Variants in INTS8 observed in about 807,000 individuals in gnomAD.
INTS8 encodes the protein protein kaonashi-1.
A neutral mutation model predicts 138.9 loss-of-function variants in INTS8; 47 were observed. The ratio of observed to expected loss-of-function variants is 0.34; its 90% CI spans 0.27 to 0.43. The LOEUF (loss-of-function observed/expected upper bound fraction) is 0.43, where lower values mean the gene tolerates loss of function less well. Among genes scored for constraint, INTS8 ranks in the 20% least tolerant of loss-of-function variants. The pLI, the probability that INTS8 is intolerant of heterozygous loss-of-function variation, is 1.00. For synonymous variants in INTS8, 392 were observed against 400.9 expected (o/e 0.98, Z 0.27); for missense variants, 996 against 1,173.0 (o/e 0.85, Z 2.20).
intron 1 of INTS8, 85 bp from the exon 2 acceptor site, chr8:94,824,808 C>G (rs10111645): frequency 8.1e-6 from 1 of 123,200 alleles, no homozygotes; most frequent in Non-Finnish European, 1.6e-5. Context: ...CCCACCCCCC[C>G]AAAAAAACCA....
chr8:94,835,752 A>C (rs961116639), intron 6 of INTS8, among the ~76,000 whole-genome samples: 1 of 152,126 alleles, frequency 6.6e-6, no homozygotes, highest in Non-Finnish European at 1.5e-5. Context: ...GGTGTGCGCC[A>C]CTACGCCTAG....
At chr8:94,861,964 T>C (rs532688806) in intron 16 of INTS8, among the ~76,000 whole-genome samples, 1 of 151,212 alleles carries the variant, frequency 6.6e-6, no homozygotes, top group African/African-American at 2.4e-5. Flanking sequence ...TTTTGGAGAC[T>C]GAGTCCCCCT....
At chr8:94,857,136 G>A (rs1388143139) in intron 15 of INTS8, among the ~76,000 whole-genome samples, 158 bp downstream of exon 15, 1 of 148,598 alleles carries the variant, frequency 6.7e-6, no homozygotes, top group East Asian at 2.0e-4. Context: ...GTAATGGCGC[G>A]ATCTCGGCCC....
intron 2 of INTS8, among the ~76,000 whole-genome samples, chr8:94,825,737 G>A (rs1044386655): frequency 1.3e-5 from 2 of 152,076 alleles, no homozygotes; most frequent in Admixed American, 6.6e-5. Flanking sequence ...ATTAGAAAAT[G>A]ATTTATTATC....
chr8:94,864,168 CT>C (rs201888764), intron 16 of INTS8, among the ~76,000 whole-genome samples: 10 of 149,576 alleles, frequency 6.7e-5, no homozygotes, highest in East Asian at 1.9e-4. Flanking sequence ...ATTTATTGAA[CT>C]TTTTTTTTTA....
chr8:94,879,081 TTC>T (rs1209342527), intron 26 of INTS8, among the ~76,000 whole-genome samples: 1 of 152,204 alleles, frequency 6.6e-6, no homozygotes, highest in Non-Finnish European at 1.5e-5. Flanking sequence ...CTATTCCAAC[TTC>T]TGTCTCACAC....
chr8:94,850,733 A>T (rs530720345), intron 12 of INTS8, among the ~76,000 whole-genome samples: 1 of 152,260 alleles, frequency 6.6e-6, no homozygotes, highest in African/African-American at 2.4e-5. Flanking sequence ...GCTGGGACCA[A>T]AAAGAGGACA....
intron 14 of INTS8, among the ~76,000 whole-genome samples, chr8:94,855,686 C>T (rs1815719873): frequency 2.0e-5 from 3 of 152,060 alleles, no homozygotes; most frequent in Admixed American, 1.3e-4. Context: ...TAGTAAGTGT[C>T]ACAAGTGTTA....
chr8:94,834,758 G>A (rs1162974311), intron 6 of INTS8, among the ~76,000 whole-genome samples: 4 of 150,850 alleles, frequency 2.7e-5, no homozygotes, highest in South Asian at 4.2e-4. Context: ...ATAGTGCAAA[G>A]CAATGTTGTA....
chr8:94,847,779 A>G (rs182885481), intron 10 of INTS8, among the ~76,000 whole-genome samples: 66 of 152,262 alleles, frequency 4.3e-4, no homozygotes, highest in Admixed American at 4.0e-3. Flanking sequence ...TGTTCCCTAC[A>G]TTGTTCCATG....
In INTS8 at chr8:94,867,303, G is replaced by C. The variant is rs1324951503; in HGVS notation, c.2380G>C (p.Glu794Gln). 1 of 1,611,702 alleles carries C rather than the reference G, an allele frequency of 6.2e-7. No individual in the cohort carries two copies. The highest frequency in any genetic ancestry group is 1.7e-5 in the Admixed American group (1 of 59,884). ...GGACATTGTGAATGATATTACAGCT[G>C]AACACATTTCTATTTGGCCATCTTC... ...REDIVNDITAEHISIWPSSIP... is the reference protein window; with the variant it reads ...REDIVNDITAQHISIWPSSIP... Residue 794 changes from glutamate (E) to glutamine (Q), a missense_variant, in exon 20 of 27, where the codon GAA becomes CAA. Glu to Gln is a conservative substitution (Grantham distance 29). Coordinates refer to ENST00000523731, the MANE Select transcript of INTS8 (RefSeq NM_017864.4).
At chr8:94,852,593 GTT>G in intron 13 of INTS8, among the ~76,000 whole-genome samples, 1 of 142,936 alleles carries the variant, frequency 7.0e-6, no homozygotes. Context: ...TGTATGGTTT[GTT>G]TTTTTTTTTT....
intron 10 of INTS8, among the ~76,000 whole-genome samples, chr8:94,844,669 T>A (rs997281500): frequency 6.6e-6 from 1 of 152,142 alleles, no homozygotes; most frequent in Non-Finnish European, 1.5e-5. Context: ...AGCTTTCTTT[T>A]TTGTAGGAGA....
At chr8:94,874,263 T>C (rs1422939093) in intron 22 of INTS8, among the ~76,000 whole-genome samples, 5 of 151,908 alleles carry the variant, frequency 3.3e-5, no homozygotes, top group Non-Finnish European at 7.4e-5. Context: ...TTTTTTGATA[T>C]GCATTGCCAT....
Position 94,827,384 on chromosome 8 carries a change from G to A in INTS8, c.427G>A (p.Val143Ile), listed in dbSNP as rs1348215879. Residue 143 changes from valine (V) to isoleucine (I), a missense_variant, in exon 3 of 27, where the codon GTA becomes ATA. Transcript: ENST00000523731. ...ATLPPTTAMA[V>I]LLYNRWAIRT... is the part of the protein sequence containing the mutation. ...TTTACCTCCGACCACTGCCATGGCT[G>A]TACTTCTCTATAATAGATGGTAAAT... is the stretch of plus-strand genomic sequence containing the variant. 4 of 1,614,040 alleles carry A rather than the reference G, an allele frequency of 2.5e-6. No homozygotes were observed. In the African/African-American group the frequency reaches 5.3e-5, roughly 22 times the overall value.
chr8:94,865,457 G>T, intron 16 of INTS8, 49 bp from the exon 17 acceptor site: 1 of 1,457,670 alleles, frequency 6.9e-7, no homozygotes, highest in East Asian at 2.3e-5. Context: ...GAACTAATGT[G>T]CACGACATTA....
Position 94,881,272 on chromosome 8 carries a change from C to A in INTS8, c.*1038C>A, listed in dbSNP as rs144882179. 9 of 357,436 alleles carry A rather than the reference C, an allele frequency of 2.5e-5. No individual in the cohort carries two copies. The highest frequency in any genetic ancestry group is 4.0e-5 in the Non-Finnish European group (8 of 201,136). 22.1% of individuals were successfully genotyped at this position (357,436 alleles called of 1,614,324 possible). On this transcript the variant is annotated 3_prime_UTR_variant, in exon 27 of 27. Coordinates refer to ENST00000523731, the MANE Select transcript of INTS8 (RefSeq NM_017864.4). ...ACTTAGTATACCCTTTAAGGTAGCA[C>A]TTATCCAGTCCAAAACTCCAGTGAC...
At chr8:94,838,413 A>G (rs1465350133) in intron 7 of INTS8, 50 bp from the exon 8 acceptor site, 4 of 1,447,302 alleles carry the variant, frequency 2.8e-6, no homozygotes, top group African/African-American at 1.4e-5. Context: ...GTGCTAGACT[A>G]TTGTTTATAT....
At chr8:94,867,039 C>A in intron 18 of INTS8, 101 bp from the exon 19 acceptor site, 1 of 909,844 alleles carries the variant, frequency 1.1e-6, no homozygotes, top group Non-Finnish European at 1.7e-6. Context: ...TTTCAAAAGG[C>A]AAGGGTCTTT....
Sources: gnomAD v4.1 joint callset for allele counts (sites outside exome capture counted in the v4.1 genomes callset) on GRCh38, gnomAD v4.1.1 for gene constraint, MANE v1.5 for transcripts, NCBI Gene and HGNC (gene_info 2026-07-23, HGNC 2026-07-21) for gene names.